CSGALNACT1: variants seen among roughly 807,000 people sequenced by gnomAD.
The protein encoded by CSGALNACT1 is beta4GalNAcT-1.
A neutral mutation model predicts 51.0 loss-of-function variants in CSGALNACT1; 52 were observed. The observed-to-expected ratio is 1.02, with a 90% CI of 0.82 to 1.29. The LOEUF is 1.29. CSGALNACT1 is among the 50% of genes most tolerant of loss of function. The pLI, the probability that CSGALNACT1 is intolerant of heterozygous loss-of-function variation, is 0.00. For synonymous variants in CSGALNACT1, 341 were observed against 254.4 expected, an observed-to-expected ratio of 1.34 and a Z score of -3.24; for missense variants, 935 against 679.2, an observed-to-expected ratio of 1.38 and a Z score of -4.19.
Position 19,755,465 on chromosome 8 carries a change from A to AAAAAAAAAAAAAAAAAAAAAAAAAC in CSGALNACT1, c.-297+2384_-297+2385insGTTTTTTTTTTTTTTTTTTTTTTTT, listed in dbSNP as rs2065304096. On this transcript the variant is annotated intron_variant, in intron 1 of 1. Coordinates refer to the CSGALNACT1 transcript ENST00000517494. Reference sequence around the variant, plus strand: ...TAAATGTAAAGAAAGACAAAAAAAAAAAAAAAAAAAAAAAAAGACAACATT... The same window carrying AAAAAAAAAAAAAAAAAAAAAAAAAC: ...TAAATGTAAAGAAAGACAAAAAAAAAAAAAAAAAAAAAAAAAAAAAAAAACAAAAAAAAAAAAAAAAGACAACATT... Among the ~76,000 whole-genome samples, 2 of 126,738 alleles carry AAAAAAAAAAAAAAAAAAAAAAAAAC rather than the reference A, an allele frequency of 1.6e-5. 1 individual carries two copies. Among genetic ancestry groups the AAAAAAAAAAAAAAAAAAAAAAAAAC allele is most frequent in the African/African-American group, 6.2e-5 (2 of 32,166 alleles). 83.1% of individuals were successfully genotyped at this position (126,738 alleles called of 152,430 possible).
At chr8:19,724,147 A>G (rs1302466332) in intron 1 of CSGALNACT1, among the ~76,000 whole-genome samples, 1 of 152,150 alleles carries the variant, frequency 6.6e-6, no homozygotes, top group Non-Finnish European at 1.5e-5. Context: ...CCAGCAGCAC[A>G]TTTGTATCAG....
At chr8:19,429,243 C>G (rs1188148212) in intron 6 of CSGALNACT1, among the ~76,000 whole-genome samples, 2 of 152,198 alleles carry the variant, frequency 1.3e-5, no homozygotes, top group Non-Finnish European at 2.9e-5. Flanking sequence ...GTGGTGCAAT[C>G]TTGGTTCACC....
At chr8:19,619,903 C>T (rs923603076) in intron 1 of CSGALNACT1, among the ~76,000 whole-genome samples, 5 of 152,092 alleles carry the variant, frequency 3.3e-5, no homozygotes, top group Non-Finnish European at 5.9e-5. Context: ...GGCTCAAATC[C>T]CAGCCTGGTC....
intron 3 of CSGALNACT1, among the ~76,000 whole-genome samples, chr8:19,507,829 A>T (rs180792789): frequency 6.6e-6 from 1 of 152,110 alleles, no homozygotes; most frequent in African/African-American, 2.4e-5. Flanking sequence ...GGGTTTCACC[A>T]TGTTGGCCAG....
At chr8:19,424,127 G>A (rs1477722535) in intron 6 of CSGALNACT1, among the ~76,000 whole-genome samples, 3 of 152,184 alleles carry the variant, frequency 2.0e-5, no homozygotes, top group African/African-American at 7.2e-5. Context: ...CTGCTCTGAA[G>A]CCCTGACCAC....
chr8:19,491,498 G>A lies in CSGALNACT1; in HGVS notation c.634+13703C>T, dbSNP rs10096485. Among the ~76,000 whole-genome samples, 1,069 of 152,236 alleles carry A rather than the reference G, an allele frequency of 7.0e-3. 12 individuals are homozygous for A. Among genetic ancestry groups the A allele is most frequent in the African/African-American group, 0.024 (1,011 of 41,524 alleles). On this transcript the variant is annotated intron_variant, in intron 4 of 9. Coordinates refer to ENST00000454498, the Ensembl canonical transcript of CSGALNACT1. ...CTAAATATAAATTTTCATTTCACCT[G>A]CTCCTAACAATATGTGTCATCATTT...
intron 3 of CSGALNACT1, among the ~76,000 whole-genome samples, chr8:19,553,455 C>T (rs1029251677): frequency 6.6e-6 from 1 of 151,768 alleles, no homozygotes; most frequent in East Asian, 1.9e-4. Context: ...ATTTGGGAGG[C>T]CCAAAATGCA....
chr8:19,626,114 A>G lies in CSGALNACT1; in HGVS notation c.-543-24249T>C, dbSNP rs2054419766. Among the ~76,000 whole-genome samples the G allele has an allele frequency of 3.3e-5, 5 of 152,318 alleles. No homozygotes were observed. The South Asian group carries it at 1.0e-3, about 32-fold the overall frequency. ...AAGGAAACAGAACTAAAAAGTTAAAACAATTTTGAAAAAGAAGAATAAAGT... is the reference window on the plus strand; with the variant it reads ...AAGGAAACAGAACTAAAAAGTTAAAGCAATTTTGAAAAAGAAGAATAAAGT... On this transcript the variant is annotated intron_variant, in intron 1 of 9. Transcript: ENST00000332246.
intron 8 of CSGALNACT1, among the ~76,000 whole-genome samples, chr8:19,414,457 G>T (rs10097813): frequency 0.6 from 90,845 of 152,044 alleles, 27,773 homozygotes; most frequent in East Asian, 0.96. Context: ...TTCTACACAT[G>T]AAAGCACCAG....
intron 1 of CSGALNACT1, among the ~76,000 whole-genome samples, chr8:19,746,870 C>T (rs961610024): frequency 6.6e-6 from 1 of 152,198 alleles, no homozygotes; most frequent in Non-Finnish European, 1.5e-5. Flanking sequence ...CTTTCCTACA[C>T]GATGGAGAGC....
intron 1 of CSGALNACT1, among the ~76,000 whole-genome samples, chr8:19,667,542 AG>A (rs1361497411): frequency 1.1e-4 from 6 of 56,762 alleles, no homozygotes; most frequent in Admixed American, 3.4e-4. Flanking sequence ...AACTGCAATG[AG>A]AGAGTCAGTC....
chr8:19,644,248 G>A (rs775116722), intron 1 of CSGALNACT1, among the ~76,000 whole-genome samples: 31 of 152,086 alleles, frequency 2.0e-4, no homozygotes, highest in Non-Finnish European at 2.1e-4. Context: ...TCATTGTAAC[G>A]TTACTAGTAG....
chr8:19,442,644 C>T (rs1205900595), intron 5 of CSGALNACT1, among the ~76,000 whole-genome samples: 1 of 150,604 alleles, frequency 6.6e-6, no homozygotes, highest in East Asian at 2.0e-4. Context: ...GGGTGCAGCA[C>T]ACCAACATGG....
intron 3 of CSGALNACT1, among the ~76,000 whole-genome samples, chr8:19,517,566 G>C (rs1186863461): frequency 1.3e-5 from 2 of 152,204 alleles, no homozygotes; most frequent in Non-Finnish European, 2.9e-5. Flanking sequence ...GTGCCCGAGA[G>C]TGGGTCATTT....
At chr8:19,556,808 A>T (rs975989242) in intron 3 of CSGALNACT1, among the ~76,000 whole-genome samples, 10 of 152,160 alleles carry the variant, frequency 6.6e-5, no homozygotes, top group African/African-American at 2.4e-4. Context: ...AGCAATTTTC[A>T]GGTCAACAGA....
exon 10 of CSGALNACT1, chr8:19,405,201 A>C (rs946543412): frequency 2.2e-6 from 1 of 448,928 alleles, no homozygotes; most frequent in Admixed American, 2.4e-5. Context: ...ACAACCAAAA[A>C]GATAAGCAGA....
chr8:19,681,638 T>C (rs953104185), intron 1 of CSGALNACT1, among the ~76,000 whole-genome samples: 1 of 152,212 alleles, frequency 6.6e-6, no homozygotes, highest in Admixed American at 6.5e-5. Flanking sequence ...CAAGGGTTCC[T>C]ACGCTTGAAG....
At chr8:19,584,777 A>T (rs2046283931) in intron 3 of CSGALNACT1, among the ~76,000 whole-genome samples, 1 of 152,186 alleles carries the variant, frequency 6.6e-6, no homozygotes, top group African/African-American at 2.4e-5. Flanking sequence ...TTAAACCATC[A>T]GTTATAAGGC....
chr8:19,724,520 C>T (rs1477969324), intron 1 of CSGALNACT1, among the ~76,000 whole-genome samples: 2 of 152,226 alleles, frequency 1.3e-5, no homozygotes, highest in African/African-American at 4.8e-5. Flanking sequence ...ACTGAACCCA[C>T]CCAGATAACC....
Sources: allele counts gnomAD v4.1 joint callset (sites outside exome capture counted in the v4.1 genomes callset), GRCh38; gene constraint gnomAD v4.1.1; transcripts MANE v1.5; gene names NCBI Gene and HGNC (gene_info 2026-07-23, HGNC 2026-07-21).